Variants in GALNT13 observed in about 807,000 individuals in gnomAD.
GALNT13 encodes the protein polypeptide N-acetylgalactosaminyltransferase 13, also known as UDP-GalNAc:polypeptide N-acetylgalactosaminyltransferase 13.
A neutral mutation model predicts 64.2 loss-of-function variants in GALNT13; 28 were observed. The observed-to-expected ratio is 0.44, with a 90% CI of 0.32 to 0.60. The LOEUF is 0.60. Among genes scored for constraint, GALNT13 ranks in the 20% least tolerant of loss-of-function variants. GALNT13 has a pLI of 0.05. For missense variants in GALNT13, 577 were observed against 669.8 expected (o/e 0.86, Z 1.53); for synonymous variants, 214 against 224.6 (o/e 0.95, Z 0.42).
chr2:153,280,397 C>T, the GALNT13 span, among the ~76,000 whole-genome samples: 1 of 151,954 alleles, frequency 6.6e-6, no homozygotes, highest in Admixed American at 6.6e-5. Context: ...TATTTCTTTT[C>T]TTCTGCTAAC....
intron 3 of GALNT13, among the ~76,000 whole-genome samples, chr2:154,040,111 G>C (rs553288473): frequency 7.1e-6 from 1 of 140,954 alleles, no homozygotes; most frequent in African/African-American, 2.4e-5. Flanking sequence ...CACTTGATAA[G>C]TGTTGAATGC....
At chr2:153,104,385 A>G in the GALNT13 span, among the ~76,000 whole-genome samples, 1 of 152,136 alleles carries the variant, frequency 6.6e-6, no homozygotes, top group Non-Finnish European at 1.5e-5. Context: ...TAAAAATTAG[A>G]ATTTGTAAAA....
the GALNT13 span, among the ~76,000 whole-genome samples, chr2:153,403,137 C>A: frequency 6.6e-6 from 1 of 151,468 alleles, no homozygotes; most frequent in Non-Finnish European, 1.5e-5. Context: ...TGTTAGTTTT[C>A]CTTCTAACAG....
At chr2:153,502,723 A>T in the GALNT13 span, among the ~76,000 whole-genome samples, 88,909 of 152,140 alleles carry the variant, frequency 0.58, 28,776 homozygotes, top group African/African-American at 0.85. Flanking sequence ...AGTGTTCTTT[A>T]TTCACTGCAT....
At chr2:154,381,175 T>C (rs536446728) in intron 9 of GALNT13, among the ~76,000 whole-genome samples, 4 of 152,018 alleles carry the variant, frequency 2.6e-5, no homozygotes, top group Non-Finnish European at 5.9e-5. Flanking sequence ...TAGAGTCTCT[T>C]TGCTACAGAA....
At chr2:153,303,806 A>G in the GALNT13 span, among the ~76,000 whole-genome samples, 1 of 152,090 alleles carries the variant, frequency 6.6e-6, no homozygotes, top group East Asian at 1.9e-4. Context: ...GGGTGGGGAT[A>G]GATAGAGGAA....
chr2:154,085,319 T>A (rs1701469894), intron 3 of GALNT13, among the ~76,000 whole-genome samples: 1 of 152,036 alleles, frequency 6.6e-6, no homozygotes, highest in South Asian at 2.1e-4. Context: ...CCTATGAGTT[T>A]TAATAGAAGC....
the GALNT13 span, among the ~76,000 whole-genome samples, chr2:153,775,267 G>A: frequency 6.6e-6 from 1 of 151,990 alleles, no homozygotes; most frequent in Non-Finnish European, 1.5e-5. Context: ...AAAACTTAGG[G>A]CATTCATTTG....
chr2:153,351,013 AT>A, the GALNT13 span, among the ~76,000 whole-genome samples: 11 of 152,156 alleles, frequency 7.2e-5, no homozygotes, highest in Non-Finnish European at 1.6e-4. Context: ...ATTTCTGATG[AT>A]TTGTAGGTTT....
rs757571713 is a variant in GALNT13, at chr2:154,245,970, C to T, written c.845C>T (p.Thr282Ile). ...ATGGACAGGAGGAAAGGAGACAGAACATTACCTGTCAGGTATGTAGATCAT... is the reference window on the plus strand; with the variant it reads ...ATGGACAGGAGGAAAGGAGACAGAATATTACCTGTCAGGTATGTAGATCAT... The part of the protein sequence containing the change: ...REMDRRKGDR[T>I]LPVRTPTMAG... The change falls in exon 7 of 13, where the codon ACA (threonine) becomes ATA (isoleucine). Residue 282 changes from threonine (T) to isoleucine (I), a missense_variant. By Grantham distance (89) the Thr-to-Ile change is moderately conservative (BLOSUM62 -1). Coordinates refer to ENST00000392825, the MANE Select transcript of GALNT13 (RefSeq NM_052917.4). 8.2e-5 allele frequency: 132 copies of T among 1,611,680 alleles called. No individual in the cohort carries two copies. Among genetic ancestry groups the T allele is most frequent in the Non-Finnish European group, 1.1e-4 (128 of 1,178,182 alleles).
the GALNT13 span, among the ~76,000 whole-genome samples, chr2:153,425,800 G>C: frequency 2.6e-5 from 4 of 151,702 alleles, no homozygotes; most frequent in African/African-American, 7.3e-5. Flanking sequence ...TGTTACAAAG[G>C]CATGATGAAC....
intron 11 of GALNT13, among the ~76,000 whole-genome samples, chr2:154,426,990 T>C (rs1700498108): frequency 6.6e-6 from 1 of 152,178 alleles, no homozygotes; most frequent in South Asian, 2.1e-4. Context: ...ACAAGATTTT[T>C]TTAAAAGAAT....
the GALNT13 span, among the ~76,000 whole-genome samples, chr2:153,701,723 GA>G: frequency 1.3e-5 from 2 of 152,084 alleles, no homozygotes; most frequent in Admixed American, 6.6e-5. Flanking sequence ...ATAGACACAT[GA>G]AAAAAACCTC....
At chr2:153,763,120 T>C in the GALNT13 span, among the ~76,000 whole-genome samples, 1 of 152,090 alleles carries the variant, frequency 6.6e-6, no homozygotes, top group Admixed American at 6.6e-5. Context: ...TATTGTTGTT[T>C]TGATGTATTT....
the GALNT13 span, among the ~76,000 whole-genome samples, chr2:153,240,416 A>G: frequency 1.3e-5 from 2 of 152,082 alleles, no homozygotes; most frequent in African/African-American, 4.8e-5. Flanking sequence ...GTGGTTACAA[A>G]TTTGGGGCTC....
At chr2:154,214,149 A>T (rs1039157840) in intron 4 of GALNT13, among the ~76,000 whole-genome samples, 11 of 152,196 alleles carry the variant, frequency 7.2e-5, no homozygotes, top group Admixed American at 5.9e-4. Flanking sequence ...ATCCTTTCTC[A>T]GTGACTAACT....
the GALNT13 span, among the ~76,000 whole-genome samples, chr2:153,694,742 T>A: frequency 6.6e-6 from 1 of 152,150 alleles, no homozygotes; most frequent in African/African-American, 2.4e-5. Context: ...GTAAAAAAAT[T>A]TTAAATAAAA....
the GALNT13 span, among the ~76,000 whole-genome samples, chr2:153,242,073 C>T: frequency 3.9e-3 from 596 of 152,238 alleles, 3 homozygotes; most frequent in Middle Eastern, 0.017. Flanking sequence ...ATAGTCAGCC[C>T]TAGAAATTAT....
intron 9 of GALNT13, among the ~76,000 whole-genome samples, chr2:154,305,159 A>G (rs1005961042): frequency 6.6e-6 from 1 of 152,232 alleles, no homozygotes; most frequent in African/African-American, 2.4e-5. Context: ...AATTTCAGCC[A>G]TTGTTAATTT....
Sources: gnomAD v4.1 joint callset for allele counts (sites outside exome capture counted in the v4.1 genomes callset) on GRCh38, gnomAD v4.1.1 for gene constraint, MANE v1.5 for transcripts, NCBI Gene and HGNC (gene_info 2026-07-23, HGNC 2026-07-21) for gene names.